DLGAP2: variants seen among roughly 807,000 people sequenced by gnomAD.
DLGAP2 encodes DLG associated protein 2, also known as disks large-associated protein 2.
In DLGAP2, 26 loss-of-function variants were observed where a neutral mutation model predicts 100.3. The observed-to-expected ratio is 0.26, with a 90% CI of 0.19 to 0.36. DLGAP2 has a LOEUF of 0.36. Ranked by LOEUF, DLGAP2 falls within the 10% of genes least tolerant of loss-of-function variation. The pLI is 1.00. For synonymous variants in DLGAP2, 886 were observed against 630.1 expected (o/e 1.41, Z -6.08); for missense variants, 1,858 against 1,453.2 (o/e 1.28, Z -4.53).
chr8:1,026,542 T>C (rs1427727624), intron 2 of DLGAP2, among the ~76,000 whole-genome samples: 1 of 152,238 alleles, frequency 6.6e-6, no homozygotes, highest in African/African-American at 2.4e-5. Context: ...TTTCCTTTTC[T>C]TTGCAGGTTG....
intron 3 of DLGAP2, among the ~76,000 whole-genome samples, chr8:1,438,759 A>C (rs974049576): frequency 2.6e-5 from 4 of 152,324 alleles, no homozygotes; most frequent in African/African-American, 9.6e-5. Context: ...AATTCTTAGA[A>C]TGGAGGCGGC....
chr8:1,184,420 A>G (rs896883619), intron 2 of DLGAP2, among the ~76,000 whole-genome samples: 1 of 152,174 alleles, frequency 6.6e-6, no homozygotes, highest in Non-Finnish European at 1.5e-5. Context: ...TAACAGTTTA[A>G]TGCTGGAAGC....
chr8:1,515,007 C>T (rs889212385), intron 4 of DLGAP2, among the ~76,000 whole-genome samples: 6 of 151,594 alleles, frequency 4.0e-5, no homozygotes, highest in Admixed American at 2.6e-4. Flanking sequence ...GGAGGGAGAC[C>T]GACATGGAGG....
chr8:1,327,819 G>C (rs1222886572), intron 3 of DLGAP2, among the ~76,000 whole-genome samples: 2 of 152,086 alleles, frequency 1.3e-5, no homozygotes, highest in African/African-American at 2.4e-5. Flanking sequence ...ACTCCAGCCT[G>C]GGCAACAGAG....
rs1014742742 is a variant in DLGAP2 at position 1,604,262 on chromosome 8, G to A, written c.1443-22478G>A. Among the ~76,000 whole-genome samples, 3 of 152,266 alleles carry A rather than the reference G, an allele frequency of 2.0e-5. No individual in the cohort carries two copies. In the East Asian group the frequency reaches 5.8e-4, roughly 29 times the overall value. The stretch of plus-strand genomic sequence containing the variant: ...TGGAGTTTGCTGAAAATGTAAATAC[G>A]AATTTTATCTCCTAACACCAGGGAG... On this transcript the variant is annotated intron_variant, in intron 6 of 14. Coordinates refer to ENST00000637795, the MANE Select transcript of DLGAP2 (RefSeq NM_001346810.2).
At chr8:824,247 G>T (rs1796644091) in intron 1 of DLGAP2, among the ~76,000 whole-genome samples, 1 of 151,760 alleles carries the variant, frequency 6.6e-6, no homozygotes, top group African/African-American at 2.4e-5. Context: ...GCTAATTTTT[G>T]TATTTTTTTG....
Position 1,465,834 on chromosome 8 carries a change from G to A in DLGAP2, c.107-35532G>A, listed in dbSNP as rs557170158. 3.3e-3 allele frequency among the ~76,000 whole-genome samples: 503 copies of A among 152,360 alleles called. 4 individuals are homozygous for A. The highest frequency in any genetic ancestry group is 3.1e-3 in the Non-Finnish European group (211 of 68,038). ...TTTCTTCCTCAGGGGCGTGAGGTAG[G>A]ACCCTCTGGGGTGAGGGTTTTGGGA... is the stretch of plus-strand genomic sequence containing the variant. On this transcript the variant is annotated intron_variant, in intron 3 of 14. Coordinates refer to ENST00000637795, the MANE Select transcript of DLGAP2 (RefSeq NM_001346810.2).
chr8:1,445,058 C>T (rs1426705896), intron 3 of DLGAP2, among the ~76,000 whole-genome samples: 75 of 144,808 alleles, frequency 5.2e-4, no homozygotes, highest in African/African-American at 1.8e-3. Flanking sequence ...GCATGAGCCA[C>T]CGCGCCCAGC....
chr8:1,505,609 G>T (rs1264791853), intron 4 of DLGAP2, among the ~76,000 whole-genome samples: 1 of 152,188 alleles, frequency 6.6e-6, no homozygotes, highest in South Asian at 2.1e-4. Flanking sequence ...AATATAGGAG[G>T]ATAAGGAAGT....
At chr8:827,286 T>C (rs142737837) in intron 1 of DLGAP2, among the ~76,000 whole-genome samples, 63 of 152,338 alleles carry the variant, frequency 4.1e-4, no homozygotes, top group African/African-American at 1.4e-3. Context: ...TAATATAACC[T>C]TGATATAGAA....
At chr8:1,204,216 G>C (rs893824850) in intron 2 of DLGAP2, among the ~76,000 whole-genome samples, 2 of 152,228 alleles carry the variant, frequency 1.3e-5, no homozygotes, top group African/African-American at 4.8e-5. Flanking sequence ...GTTTTTATCT[G>C]CTCCTACTGT....
At chr8:1,148,153 T>C (rs933854489) in intron 2 of DLGAP2, among the ~76,000 whole-genome samples, 2 of 152,162 alleles carry the variant, frequency 1.3e-5, no homozygotes, top group African/African-American at 4.8e-5. Flanking sequence ...GACAGGACTG[T>C]TAAGATTTTT....
chr8:1,203,997 T>C (rs1797937554), intron 2 of DLGAP2, among the ~76,000 whole-genome samples: 1 of 152,198 alleles, frequency 6.6e-6, no homozygotes, highest in African/African-American at 2.4e-5. Flanking sequence ...GAACTAAGCA[T>C]GTAGGGTAAA....
intron 3 of DLGAP2, among the ~76,000 whole-genome samples, chr8:1,421,766 C>G (rs1345536736): frequency 6.6e-6 from 1 of 152,004 alleles, no homozygotes; most frequent in East Asian, 1.9e-4. Context: ...CAGTTCGAGA[C>G]CAGCCTGGCC....
In DLGAP2 at chr8:894,085, G is replaced by T. The variant is rs563538815; in HGVS notation, c.19-13827G>T. On this transcript the variant is annotated intron_variant, in intron 1 of 14. Transcript: ENST00000637795. ...CCCCTCGTGCGTGAGACGTCCTTGT[G>T]GGAAGGGCCCTCTCGGAGCAGTGTG... Among the ~76,000 whole-genome samples, 13 of 152,320 alleles carry T rather than the reference G, an allele frequency of 8.5e-5. No homozygotes were observed. In the South Asian group the frequency reaches 2.7e-3, roughly 32 times the overall value.
intron 2 of DLGAP2, among the ~76,000 whole-genome samples, chr8:1,051,673 C>G (rs929535739): frequency 1.3e-5 from 2 of 152,194 alleles, no homozygotes; most frequent in Admixed American, 6.5e-5. Context: ...CACGTCTGGT[C>G]CACATCACAG....
intron 2 of DLGAP2, among the ~76,000 whole-genome samples, chr8:926,772 C>T (rs778527919): frequency 2.0e-5 from 3 of 152,244 alleles, no homozygotes; most frequent in Non-Finnish European, 4.4e-5. Flanking sequence ...GGTGCTGGCA[C>T]ACAGAGCTGG....
intron 1 of DLGAP2, among the ~76,000 whole-genome samples, chr8:835,454 C>A (rs989599770): frequency 1.2e-4 from 18 of 152,004 alleles, no homozygotes; most frequent in Admixed American, 1.0e-3. Flanking sequence ...TGCTCCACGC[C>A]GCCCCCTAGA....
Position 1,678,603 on chromosome 8 carries a change from C to A in DLGAP2, c.2678C>A (p.Ala893Glu). The change falls in exon 12 of 15, where the codon GCG (alanine) becomes GAG (glutamate). Residue 893 changes from alanine to glutamate, a missense_variant. Physicochemically the swap from Ala to Glu is moderately radical, Grantham distance 107. Transcript: ENST00000637795. ...TGGTGCAAAGAGATGGAGAGAGAGG[C>A]GGAGGAGAACGACCTCTCGGAGGAA... ...EGWCKEMERE[A>E]EENDLSEEIL... is the part of the protein sequence containing the mutation. 1 of 1,560,500 alleles carries A rather than the reference C, an allele frequency of 6.4e-7. No homozygotes were observed. Among genetic ancestry groups the A allele is most frequent in the Non-Finnish European group, 8.7e-7 (1 of 1,151,600 alleles).
Sources: allele counts gnomAD v4.1 joint callset (sites outside exome capture counted in the v4.1 genomes callset), GRCh38; gene constraint gnomAD v4.1.1; transcripts MANE v1.5; gene names NCBI Gene and HGNC (gene_info 2026-07-23, HGNC 2026-07-21).